Variants in CLPB observed in about 807,000 individuals in gnomAD.
CLPB encodes mitochondrial disaggregase.
CLPB carries 40 observed loss-of-function variants against 78.4 expected under a neutral mutation model. The observed-to-expected ratio is 0.51, with a 90% confidence interval of 0.40 to 0.66. The LOEUF (loss-of-function observed/expected upper bound fraction) is 0.66. CLPB is among the 30% of genes least tolerant of loss of function. The probability of loss-of-function intolerance (pLI) is 0.00; values close to 1 mark genes in which losing one functional copy is unlikely to be tolerated. For missense variants in CLPB, 780 were observed against 886.9 expected (o/e 0.88, Z 1.53); for synonymous variants, 333 against 348.0 (o/e 0.96, Z 0.48).
chr11:72,302,766 G>A (rs896678574), intron 9 of CLPB: 2 of 209,666 alleles, frequency 9.5e-6, no homozygotes, highest in Non-Finnish European at 2.0e-5. Context: ...GAATGGTGCA[G>A]ACATGGACAA....
In CLPB at chr11:72,294,043, G is replaced by A. The variant is rs749217568; in HGVS notation, c.1764C>T (p.Gly588=). ...VLVDGYNVHY[G]ARSIKHEVER... The stretch of plus-strand genomic sequence containing the variant: ...TCACCTCATGTTTGATGGAGCGGGC[G>A]CCATAGTGCACATTGTAGCCGTCGA... The change falls in exon 15 of 16, where the codon GGC becomes GGT. Residue 588 remains glycine, a synonymous_variant. Transcript: ENST00000538039. 11 of 1,613,958 alleles carry A rather than the reference G, an allele frequency of 6.8e-6. No individual in the cohort carries two copies. The highest frequency in any genetic ancestry group is 2.2e-5 in the South Asian group (2 of 91,028).
intron 3 of CLPB, among the ~76,000 whole-genome samples, chr11:72,397,134 A>G (rs890519410): frequency 6.6e-6 from 1 of 152,236 alleles, no homozygotes; most frequent in Non-Finnish European, 1.5e-5. Context: ...TGTCTTCTCC[A>G]GAATGTCATA....
At chr11:72,342,737 A>T (rs964146278) in intron 5 of CLPB, among the ~76,000 whole-genome samples, 3 of 152,216 alleles carry the variant, frequency 2.0e-5, no homozygotes, top group Non-Finnish European at 4.4e-5. Context: ...AAAGCATCCG[A>T]GCCTGGGGTC....
chr11:72,372,163 C>G (rs1312503100), intron 4 of CLPB, among the ~76,000 whole-genome samples: 1 of 152,130 alleles, frequency 6.6e-6, no homozygotes, highest in Non-Finnish European at 1.5e-5. Flanking sequence ...ATTCCTTGGA[C>G]TCTAAATAAT....
At chr11:72,433,930 C>T (rs1430153489) in intron 1 of CLPB, 142 bp downstream of exon 1, 32 of 1,031,816 alleles carry the variant, frequency 3.1e-5, no homozygotes, top group Non-Finnish European at 4.2e-5. Flanking sequence ...ACACCCTGCC[C>T]CTGTAACCAG....
chr11:72,389,743 T>C (rs906669671), intron 3 of CLPB, among the ~76,000 whole-genome samples: 2 of 151,846 alleles, frequency 1.3e-5, no homozygotes, highest in Non-Finnish European at 2.9e-5. Flanking sequence ...CTGGGCAACA[T>C]AGTGAGATCC....
chr11:72,382,827 C>T (rs1302145210), intron 3 of CLPB, among the ~76,000 whole-genome samples: 1 of 152,078 alleles, frequency 6.6e-6, no homozygotes, highest in Non-Finnish European at 1.5e-5. Context: ...AACTTGATCC[C>T]ACCCAAAGAA....
At chr11:72,342,990 A>G (rs1950448771) in intron 5 of CLPB, among the ~76,000 whole-genome samples, 3 of 152,222 alleles carry the variant, frequency 2.0e-5, no homozygotes, top group South Asian at 4.1e-4. Flanking sequence ...CGAGACCCCA[A>G]CCACCCCAAA....
chr11:72,356,119 TA>T (rs564907845), intron 5 of CLPB, among the ~76,000 whole-genome samples: 2 of 151,512 alleles, frequency 1.3e-5, no homozygotes, highest in African/African-American at 2.4e-5. Flanking sequence ...CTACCTCTAC[TA>T]AAAAAAATAC....
intron 5 of CLPB, among the ~76,000 whole-genome samples, chr11:72,342,791 G>A (rs1950444656): frequency 6.6e-6 from 1 of 152,182 alleles, no homozygotes. Context: ...AACGTCTGGG[G>A]CACAGCCACA....
chr11:72,290,024 G>C lies in CLPB; in HGVS notation c.*3343C>G, dbSNP rs1195705468. On this transcript the variant is annotated 3_prime_UTR_variant, in exon 16 of 16. Transcript: ENST00000538039. ...CACTCCGCCAATGATACTCTAGCCAGGAGTATATATTCTGTCCAGATCTTG... is the reference window on the plus strand; with the variant it reads ...CACTCCGCCAATGATACTCTAGCCACGAGTATATATTCTGTCCAGATCTTG... 6.6e-6 allele frequency: 1 copy of C among 152,170 alleles called. No homozygotes were observed. The highest frequency in any genetic ancestry group is 1.5e-5 in the Non-Finnish European group (1 of 68,036). The allele number at this position is 152,170 out of a possible 1,614,324, so 9.4% of individuals were successfully genotyped here.
intron 9 of CLPB, among the ~76,000 whole-genome samples, chr11:72,305,679 G>C (rs1008578972): frequency 6.6e-6 from 1 of 152,168 alleles, no homozygotes; most frequent in African/African-American, 2.4e-5. Context: ...TTCTGAGTGA[G>C]GCATGCACTG....
chr11:72,403,782 T>C (rs111801197), intron 2 of CLPB, among the ~76,000 whole-genome samples: 2 of 152,150 alleles, frequency 1.3e-5, no homozygotes, highest in African/African-American at 4.8e-5. Context: ...AATTATTAAA[T>C]AAATTAACAA....
At chr11:72,409,837 C>T (rs1359715173) in intron 2 of CLPB, among the ~76,000 whole-genome samples, 4 of 151,944 alleles carry the variant, frequency 2.6e-5, no homozygotes, top group Admixed American at 6.6e-5. Flanking sequence ...ATTAGCTGGG[C>T]GTGGTGGCGC....
At position 72,358,961 on chromosome 11, in the gene CLPB, C is replaced by G. The variant is rs779228307; in HGVS notation, c.694G>C (p.Ala232Pro). ...AAGGCCGTGCAGCCCTTGAAACTGG[C>G]GCGGTTGTTCAGCCTGTTGTTGAAG... is the stretch of plus-strand genomic sequence containing the variant. ...DDFNNRLNNR[A>P]SFKGCTALHY... Residue 232 changes from alanine to proline, a missense_variant, in exon 5 of 16, where the codon GCC becomes CCC. By Grantham distance (27) the Ala-to-Pro change is conservative. Transcript: ENST00000538039. 4 of 1,613,270 alleles carry G rather than the reference C, an allele frequency of 2.5e-6. No individual in the cohort carries two copies. In the African/African-American group the frequency reaches 4.0e-5, roughly 16 times the overall value.
chr11:72,392,333 T>C (rs1855278708), intron 3 of CLPB, among the ~76,000 whole-genome samples: 1 of 151,694 alleles, frequency 6.6e-6, no homozygotes, highest in Non-Finnish European at 1.5e-5. Flanking sequence ...GTTCAGGAGG[T>C]CTGCTGGAAA....
At chr11:72,364,321 C>A (rs1950899727) in intron 4 of CLPB, among the ~76,000 whole-genome samples, 1 of 152,088 alleles carries the variant, frequency 6.6e-6, no homozygotes, top group African/African-American at 2.4e-5. Flanking sequence ...GATTCTCCTG[C>A]CTCAGCCTCC....
intron 2 of CLPB, among the ~76,000 whole-genome samples, chr11:72,411,505 C>T (rs1855874297): frequency 6.6e-6 from 1 of 152,164 alleles, no homozygotes; most frequent in Non-Finnish European, 1.5e-5. Context: ...GAAGTCCCTA[C>T]CAGCTCTATA....
At chr11:72,325,574 T>C (rs1950119688) in intron 6 of CLPB, among the ~76,000 whole-genome samples, 1 of 152,184 alleles carries the variant, frequency 6.6e-6, no homozygotes, top group South Asian at 2.1e-4. Flanking sequence ...ACAGAGATTC[T>C]AGGGTAAATG....
Sources: allele counts gnomAD v4.1 joint callset (sites outside exome capture counted in the v4.1 genomes callset), GRCh38; gene constraint gnomAD v4.1.1; transcripts MANE v1.5; gene names NCBI Gene and HGNC (gene_info 2026-07-23, HGNC 2026-07-21).